Variants in OPHN1 observed in about 807,000 individuals in gnomAD.
The protein encoded by OPHN1 is oligophrenin 1, also known as oligophrenin-1.
In OPHN1, 11 loss-of-function variants were observed where a neutral mutation model predicts 60.7. That is an observed-to-expected ratio of 0.18 (90% CI 0.11 to 0.30). The LOEUF is 0.30. Ranked by LOEUF, OPHN1 falls within the 10% of genes least tolerant of loss-of-function variation. The pLI is 1.00. For synonymous variants in OPHN1, 226 were observed against 222.6 expected, an observed-to-expected ratio of 1.02 and a Z score of -0.14; for missense variants, 449 against 611.0, an observed-to-expected ratio of 0.73 and a Z score of 2.80.
At chrX:68,214,525 T>G (rs1163843734) in intron 6 of OPHN1, among the ~76,000 whole-genome samples, 1 of 112,148 alleles carries the variant, frequency 8.9e-6, no homozygotes, top group Admixed American at 9.5e-5. Context: ...GCCTAGCTCC[T>G]AGCCAGTTCA....
At chrX:68,426,331 C>T (rs997675597) in intron 2 of OPHN1, among the ~76,000 whole-genome samples, 24 of 107,194 alleles carry the variant, frequency 2.2e-4, no homozygotes, top group South Asian at 8.5e-4. Flanking sequence ...ATTCCAGCTA[C>T]TTGGGAGGCT....
At chrX:68,246,952 A>G (rs1484536983) in intron 5 of OPHN1, among the ~76,000 whole-genome samples, 2 of 111,649 alleles carry the variant, frequency 1.8e-5, no homozygotes, top group African/African-American at 6.5e-5. Flanking sequence ...AATTTACTAC[A>G]TTCCCCTGCT....
At chrX:68,125,012 T>C (rs1036381028) in intron 15 of OPHN1, among the ~76,000 whole-genome samples, 3 of 110,262 alleles carry the variant, frequency 2.7e-5, no homozygotes, top group South Asian at 3.8e-4. Flanking sequence ...CTGACCACAA[T>C]GGAAAAAAAA....
intron 15 of OPHN1, among the ~76,000 whole-genome samples, chrX:68,165,456 A>C (rs1270824931): frequency 4.5e-5 from 5 of 111,331 alleles, no homozygotes; most frequent in Non-Finnish European, 9.4e-5. Context: ...CACAGAGATA[A>C]GGAACTACTG....
chrX:68,361,514 T>C (rs374432373), intron 2 of OPHN1, among the ~76,000 whole-genome samples: 3 of 108,774 alleles, frequency 2.8e-5, no homozygotes, highest in East Asian at 5.7e-4. Flanking sequence ...AAAAAAAATA[T>C]ATATGTATAT....
At chrX:68,048,499 A>G (rs2076839755) in intron 23 of OPHN1, 42 bp from the exon 24 acceptor site, 1 of 1,132,322 alleles carries the variant, frequency 8.8e-7, no homozygotes, top group Non-Finnish European at 1.2e-6. Context: ...TCTAGAAATC[A>G]GGACTGGAAA....
intron 2 of OPHN1, among the ~76,000 whole-genome samples, chrX:68,331,808 G>A (rs1477549479): frequency 1.8e-5 from 2 of 109,470 alleles, no homozygotes; most frequent in East Asian, 5.7e-4. Context: ...GGCTGAGGCA[G>A]GTGGATCACG....
At chrX:68,377,308 G>C (rs1430544325) in intron 2 of OPHN1, among the ~76,000 whole-genome samples, 1 of 109,412 alleles carries the variant, frequency 9.1e-6, no homozygotes, top group Non-Finnish European at 1.9e-5. Flanking sequence ...ACATTAGCCA[G>C]GATGGTCTTG....
rs750961452 is a variant in OPHN1 at position 68,099,678 on chromosome X, C to T, written c.1527-2649G>A. On this transcript the variant is annotated intron_variant, in intron 18 of 24. Transcript: ENST00000355520. ...TTGTGCCCATTCCAAAGCAAGAAAC[C>T]ATTACTCAACCCCAACTGATTGCTG... is the stretch of plus-strand genomic sequence containing the variant. Among the ~76,000 whole-genome samples the T allele has an allele frequency of 4.5e-5, 5 of 112,106 alleles. No individual in the cohort carries two copies. The South Asian group carries it at 1.1e-3, about 25-fold the overall frequency.
intron 5 of OPHN1, among the ~76,000 whole-genome samples, chrX:68,270,644 C>T (rs1424337334): frequency 9.5e-6 from 1 of 105,625 alleles, no homozygotes; most frequent in African/African-American, 3.5e-5. Flanking sequence ...ATGTAAATGA[C>T]GAGTTAATGG....
At chrX:68,119,449 C>T (rs907425719) in intron 15 of OPHN1, 117 bp from the exon 16 acceptor site, 4 of 512,047 alleles carry the variant, frequency 7.8e-6, no homozygotes, top group Admixed American at 3.2e-5. Flanking sequence ...GAGATCAAAA[C>T]TTTAGAAGAA....
chrX:68,216,348 T>A (rs2077608785), intron 6 of OPHN1, among the ~76,000 whole-genome samples: 1 of 110,962 alleles, frequency 9.0e-6, no homozygotes, highest in Middle Eastern at 4.7e-3. Context: ...AAACAATAAG[T>A]AGAAGATGGT....
intron 15 of OPHN1, among the ~76,000 whole-genome samples, chrX:68,151,918 A>G (rs768525881): frequency 1.8e-5 from 2 of 111,476 alleles, no homozygotes; most frequent in East Asian, 5.6e-4. Context: ...GGGAGGCCTC[A>G]GGAAACTTAT....
chrX:68,057,112 T>C (rs758120642), intron 21 of OPHN1, among the ~76,000 whole-genome samples: 7 of 111,796 alleles, frequency 6.3e-5, no homozygotes, highest in Non-Finnish European at 1.3e-4. Flanking sequence ...AGTAACTTCA[T>C]AGTTGATCAG....
chrX:68,325,402 A>G (rs990142367), intron 2 of OPHN1, among the ~76,000 whole-genome samples: 4 of 106,585 alleles, frequency 3.8e-5, no homozygotes, highest in African/African-American at 1.4e-4. Context: ...ACATATATAT[A>G]AAAAATTATG....
intron 18 of OPHN1, among the ~76,000 whole-genome samples, chrX:68,109,247 T>C (rs929229456): frequency 7.2e-5 from 8 of 111,655 alleles, no homozygotes; most frequent in Non-Finnish European, 1.5e-4. Flanking sequence ...CTCTGAACAT[T>C]TCATATCAAT....
chrX:68,113,266 C>T (rs1451136989), intron 16 of OPHN1, 27 bp from the exon 17 acceptor site: 4 of 1,166,495 alleles, frequency 3.4e-6, no homozygotes, highest in Middle Eastern at 4.7e-4. Flanking sequence ...TTGTCAGTTG[C>T]TTTGGGAAGA....
intron 2 of OPHN1, among the ~76,000 whole-genome samples, chrX:68,307,272 G>C (rs2147638995): frequency 9.6e-6 from 1 of 104,032 alleles, no homozygotes; most frequent in African/African-American, 3.8e-5. Flanking sequence ...GTGAGACCCT[G>C]TCTCTACCAA....
intron 4 of OPHN1, among the ~76,000 whole-genome samples, chrX:68,279,157 G>T (rs778146718): frequency 1.2e-5 from 1 of 80,016 alleles, no homozygotes; most frequent in South Asian, 8.1e-4. Flanking sequence ...ACTCGCCCAG[G>T]CTGTAGTACA....
Sources: gnomAD v4.1 joint callset for allele counts (sites outside exome capture counted in the v4.1 genomes callset) on GRCh38, gnomAD v4.1.1 for gene constraint, MANE v1.5 for transcripts, NCBI Gene and HGNC (gene_info 2026-07-23, HGNC 2026-07-21) for gene names.